Variants in MOV10 observed in about 807,000 individuals in gnomAD.
MOV10 encodes RNA helicase MOV-10.
Under a neutral mutation model 108.4 loss-of-function variants are expected in MOV10, and 39 were observed. That is an observed-to-expected ratio of 0.36 (90% CI 0.28 to 0.47). The LOEUF (loss-of-function observed/expected upper bound fraction) is 0.47, where lower values mean the gene tolerates loss of function less well. Among genes scored for constraint, MOV10 ranks in the 20% least tolerant of loss-of-function variants. The pLI is 1.00. For synonymous variants in MOV10, 490 were observed against 523.1 expected, an observed-to-expected ratio of 0.94 and a Z score of 0.86; for missense variants, 952 against 1,297.6, an observed-to-expected ratio of 0.73 and a Z score of 4.09.
chr1:112,688,917 C>T lies in MOV10; in HGVS notation c.138-18C>T, dbSNP rs1379961946. ...GCCCTGCCTTCCCTCACTTCCCAGT[C>T]TCCTCTGCTTCTGGCAGCTTTGGGA... is the stretch of plus-strand genomic sequence containing the variant. On this transcript the variant is annotated intron_variant, in intron 2 of 20. Transcript: ENST00000369645. 1 of 1,611,952 alleles carries T rather than the reference C, an allele frequency of 6.2e-7. No homozygotes were observed. The highest frequency in any genetic ancestry group is 2.2e-5 in the East Asian group (1 of 44,864).
At chr1:112,700,377 GGT>G in intron 20 of MOV10, 37 bp downstream of exon 20, 1 of 1,614,102 alleles carries the variant, frequency 6.2e-7, no homozygotes. Context: ...TGCCAGAGGA[GGT>G]GGTAAGGAAG....
chr1:112,696,743 G>A lies in MOV10; in HGVS notation c.2095G>A (p.Gly699Arg). ...RSPLTQKHGL[G>R]YSLLERLLTY... ...CCCACTGACCCAGAAGCATGGACTGGGATACTCACTGCTGGAGCGGCTGCT... is the reference window on the plus strand; with the variant it reads ...CCCACTGACCCAGAAGCATGGACTGAGATACTCACTGCTGGAGCGGCTGCT... Residue 699 changes from glycine to arginine, a missense_variant, in exon 14 of 21, where the codon GGA becomes AGA. This residue lies in a region of MOV10 where 453 missense variants were observed against 611.5 expected (regional missense o/e 0.74). Transcript: ENST00000369645. 6.2e-7 allele frequency: 1 copy of A among 1,606,406 alleles called. No homozygotes were observed. The highest frequency in any genetic ancestry group is 8.5e-7 in the Non-Finnish European group (1 of 1,176,284).
chr1:112,677,444 C>T (rs904037747), intron 2 of MOV10, among the ~76,000 whole-genome samples: 1 of 151,400 alleles, frequency 6.6e-6, no homozygotes, highest in Non-Finnish European at 1.5e-5. Context: ...TGAAGTCAAC[C>T]TTCATTTCCC....
rs1399003142 is a variant in MOV10, at chr1:112,674,946, G to A, written c.34G>A (p.Glu12Lys). The A allele has an allele frequency of 1.0e-5, 16 of 1,583,676 alleles. No homozygotes were observed. The highest frequency in any genetic ancestry group is 1.4e-5 in the Non-Finnish European group (16 of 1,165,960). The change falls in exon 2 of 21, where the codon GAG (glutamate) becomes AAG (lysine). Residue 12 changes from glutamate to lysine, a missense_variant. Glu to Lys is a moderately conservative substitution (Grantham distance 56). Transcript: ENST00000369645. ...PSKFSCRQLREAGQCFESFLV... is the reference protein window; with the variant it reads ...PSKFSCRQLRKAGQCFESFLV... ...TAAGTTCAGCTGCCGGCAGCTCCGG[G>A]AGGCGGGCCAGTGTTTCGAGAGTTT...
At chr1:112,678,760 C>T (rs1672397500) in intron 2 of MOV10, among the ~76,000 whole-genome samples, 1 of 151,936 alleles carries the variant, frequency 6.6e-6, no homozygotes, top group Non-Finnish European at 1.5e-5. Flanking sequence ...TTTGTTTTGT[C>T]TTTAATCTTA....
rs1480391005 is a variant in MOV10 at position 112,694,370 on chromosome 1, A to T, written c.1296-83A>T. On this transcript the variant is annotated intron_variant, in intron 8 of 20. Transcript: ENST00000369645. The surrounding 1 kb of genome is among the most constrained non-coding windows in gnomAD (Gnocchi z 4.1). ...AGGTCTTGGAAAGAGGGGTTGGGAC[A>T]CTGGTTGGTGGAGAAAGTTCTGGCC... The T allele has an allele frequency of 1.0e-5, 16 of 1,556,250 alleles. No homozygotes were observed. The highest frequency in any genetic ancestry group is 4.4e-6 in the Non-Finnish European group (5 of 1,133,792).
chr1:112,695,671 T>C, intron 11 of MOV10, 97 bp downstream of exon 11: 2 of 1,326,380 alleles, frequency 1.5e-6, no homozygotes, highest in Non-Finnish European at 2.0e-6. Context: ...TGGATTCTGA[T>C]ACTTGCTATG....
intron 3 of MOV10, 21 bp from the exon 4 acceptor site, chr1:112,689,394 C>CCCA: frequency 6.7e-7 from 1 of 1,499,158 alleles, no homozygotes; most frequent in Non-Finnish European, 9.3e-7. Flanking sequence ...CCAACCCCCC[C>CCCA]TTGACTCCCC....
In MOV10 at chr1:112,675,812, C is replaced by A. The variant is rs369171390; in HGVS notation, c.137+763C>A. 1.1e-4 allele frequency among the ~76,000 whole-genome samples: 16 copies of A among 152,352 alleles called. No individual in the cohort carries two copies. In the East Asian group the frequency reaches 2.7e-3, roughly 26 times the overall value. ...AAACACGTTTATCAACAGGCTGCTG[C>A]CTTGCGTGGAAAACCAAGAAGCAGT... On this transcript the variant is annotated intron_variant, in intron 2 of 20. Coordinates refer to ENST00000369645, the MANE Select transcript of MOV10 (RefSeq NM_001321324.2). The surrounding 1 kb of genome is among the most constrained non-coding windows in gnomAD (Gnocchi z 4.7).
At chr1:112,697,797 C>G (rs1674244186) in intron 14 of MOV10, 197 bp from the exon 15 acceptor site, 1 of 629,762 alleles carries the variant, frequency 1.6e-6, no homozygotes, top group Non-Finnish European at 2.9e-6. Flanking sequence ...ACTAGATGCT[C>G]TCTGGAACTA....
chr1:112,682,161 C>T (rs1279624336), intron 2 of MOV10, among the ~76,000 whole-genome samples: 1 of 152,194 alleles, frequency 6.6e-6, no homozygotes, highest in Non-Finnish European at 1.5e-5. Flanking sequence ...TCCCAAAGTG[C>T]TGGGATTACA....
rs1386690004 is a variant in MOV10, at chr1:112,674,834, C to T, written c.-65-14C>T. The stretch of plus-strand genomic sequence containing the variant: ...CTCCTGCTGCACCCTCATCTCAGGG[C>T]CGCCAACTTCCAGCTGCAGCGGCGA... On this transcript the variant is annotated splice_polypyrimidine_tract_variant and intron_variant, in intron 1 of 20. Transcript: ENST00000369645. 4 of 1,445,614 alleles carry T rather than the reference C, an allele frequency of 2.8e-6. No homozygotes were observed. The highest frequency in any genetic ancestry group is 1.4e-5 in the South Asian group (1 of 72,286). 89.5% of individuals were successfully genotyped at this position (1,445,614 alleles called of 1,614,324 possible).
At chr1:112,686,818 C>T (rs1673114408) in intron 2 of MOV10, 1 of 418,366 alleles carries the variant, frequency 2.4e-6, no homozygotes, top group Non-Finnish European at 4.8e-6. Context: ...CTGTCAGTCA[C>T]CAAATTTCTG....
Position 112,685,581 on chromosome 1 carries a change from G to T in MOV10, c.138-3354G>T, listed in dbSNP as rs542832771. Reference sequence around the variant, plus strand: ...GAGGCAGGAGACTCACTTGAACCCGGGAGGCAGAGGTTGCAGTGAGCCAAG... The same window carrying T: ...GAGGCAGGAGACTCACTTGAACCCGTGAGGCAGAGGTTGCAGTGAGCCAAG... On this transcript the variant is annotated intron_variant, in intron 2 of 20. Coordinates refer to ENST00000369645, the MANE Select transcript of MOV10 (RefSeq NM_001321324.2). Among the ~76,000 whole-genome samples, 86 of 151,712 alleles carry T rather than the reference G, an allele frequency of 5.7e-4. 1 individual carries two copies. Among genetic ancestry groups the T allele is most frequent in the Admixed American group, 5.3e-3 (80 of 15,196 alleles).
intron 17 of MOV10, chr1:112,699,106 C>G: frequency 2.8e-6 from 1 of 354,984 alleles, no homozygotes; most frequent in Non-Finnish European, 5.2e-6. Flanking sequence ...CCCCCAGTAG[C>G]CTCTCTCTTA....
chr1:112,680,937 A>G (rs1309568804), intron 2 of MOV10, among the ~76,000 whole-genome samples: 3 of 151,738 alleles, frequency 2.0e-5, no homozygotes, highest in Non-Finnish European at 4.4e-5. Context: ...TCCTAACCTC[A>G]GGTGATCACC....
At chr1:112,698,984 T>A in intron 17 of MOV10, 195 bp downstream of exon 17, 1 of 595,122 alleles carries the variant, frequency 1.7e-6, no homozygotes, top group Non-Finnish European at 3.0e-6. Flanking sequence ...TCAGGAAGCC[T>A]GCATGTTTAA....
rs1277713265 is a variant in MOV10 at position 112,700,563 on chromosome 1, T to C, written c.*56T>C. On this transcript the variant is annotated 3_prime_UTR_variant, in exon 21 of 21. Transcript: ENST00000369645. Reference sequence around the variant, plus strand: ...CAAGCCTTAACTGCCTGCCTGACCCTGAACCAGAACCCAGCTGAACTGCCC... The same window carrying C: ...CAAGCCTTAACTGCCTGCCTGACCCCGAACCAGAACCCAGCTGAACTGCCC... 1 of 1,600,238 alleles carries C rather than the reference T, an allele frequency of 6.2e-7. No homozygotes were observed. Among genetic ancestry groups the C allele is most frequent in the African/African-American group, 1.3e-5 (1 of 74,672 alleles).
At chr1:112,690,126 G>A in intron 5 of MOV10, 28 bp downstream of exon 5, 1 of 1,607,044 alleles carries the variant, frequency 6.2e-7, no homozygotes, top group Non-Finnish European at 8.5e-7. Context: ...CTCAGCCCTG[G>A]CTGGGCTCGT....
Sources: gnomAD v4.1 joint callset for allele counts (sites outside exome capture counted in the v4.1 genomes callset) on GRCh38, gnomAD v4.1.1 for gene constraint, gnomAD v4.1.1 regional missense constraint, Gnocchi (gnomAD v3.1) non-coding constraint, MANE v1.5 for transcripts, NCBI Gene and HGNC (gene_info 2026-07-23, HGNC 2026-07-21) for gene names.